Variants in ENSA observed in about 807,000 individuals in gnomAD.
The protein encoded by ENSA is alpha-endosulfine.
A neutral mutation model predicts 16.8 loss-of-function variants in ENSA; 7 were observed. That is an observed-to-expected ratio of 0.42 (90% CI 0.24 to 0.78). The LOEUF is 0.78. Among genes scored for constraint, ENSA ranks in the 30% least tolerant of loss-of-function variants. ENSA has a pLI of 0.29. For synonymous variants in ENSA, 58 were observed against 53.4 expected, an observed-to-expected ratio of 1.09 and a Z score of -0.37; for missense variants, 87 against 142.3, an observed-to-expected ratio of 0.61 and a Z score of 1.98.
Position 150,629,610 on chromosome 1 carries a change from C to A in ENSA, c.-140G>T, listed in dbSNP as rs974142257. 4 of 1,019,746 alleles carry A rather than the reference C, an allele frequency of 3.9e-6. No homozygotes were observed. Among genetic ancestry groups the A allele is most frequent in the Non-Finnish European group, 4.3e-6 (3 of 699,584 alleles). 63.2% of individuals were successfully genotyped at this position (1,019,746 alleles called of 1,614,324 possible). A position where few individuals can be genotyped will look rare whatever the true frequency, so the allele number is the denominator to read the frequency against. On this transcript the variant is annotated 5_prime_UTR_variant, in exon 1 of 4. Coordinates refer to ENST00000369014, the MANE Select transcript of ENSA (RefSeq NM_004436.4). ...CTCAGTCAAAATGGCGGCCCTTGCC[C>A]GTGACGTTGCGACCGCCCCTTCCTA...
At chr1:150,629,231 C>A in intron 1 of ENSA, 183 bp downstream of exon 1, 1 of 1,542,894 alleles carries the variant, frequency 6.5e-7, no homozygotes, top group Non-Finnish European at 8.9e-7. Context: ...TACTGAGTGA[C>A]AAACGACCCA....
At position 150,625,674 on chromosome 1, in the gene ENSA, T is replaced by C. The variant is rs766591643; in HGVS notation, c.318A>G (p.Arg106=). 10 of 1,609,188 alleles carry C rather than the reference T, an allele frequency of 6.2e-6. No individual in the cohort carries two copies. The highest frequency in any genetic ancestry group is 5.4e-5 in the African/African-American group (4 of 74,714). The part of the protein sequence containing the change: ...HIPTPQDLPQ[R]KSSLVTSKLA... The stretch of plus-strand genomic sequence containing the variant: ...GCTTGCTGGTGACGAGCGAGGACTT[T>C]CTCTGGGGCAGATCCTGTGGGGTGG... Residue 106 remains arginine, a synonymous_variant, in exon 3 of 4, where the codon AGA becomes AGG. Transcript: ENST00000369014.
intron 1 of ENSA, among the ~76,000 whole-genome samples, chr1:150,628,657 T>C (rs1172047570): frequency 6.6e-6 from 1 of 152,204 alleles, no homozygotes; most frequent in Non-Finnish European, 1.5e-5. Context: ...AACCCAGTAC[T>C]AAATTTTAAA....
At chr1:150,624,733 G>A (rs1649182858) in intron 3 of ENSA, 11 of 985,272 alleles carry the variant, frequency 1.1e-5, no homozygotes, top group African/African-American at 3.5e-5. Context: ...CACCACCCAC[G>A]AGCCTTCCTC....
chr1:150,626,779 C>T (rs1398554078), intron 2 of ENSA, among the ~76,000 whole-genome samples: 5 of 152,132 alleles, frequency 3.3e-5, no homozygotes, highest in African/African-American at 4.8e-5. Context: ...CTCCTGACCT[C>T]GTGCTCCGCC....
At chr1:150,624,672 C>T in intron 3 of ENSA, 1 of 985,508 alleles carries the variant, frequency 1.0e-6, no homozygotes, top group East Asian at 1.1e-4. Context: ...TCATGTATCC[C>T]TCAAATGGTT....
At chr1:150,629,327 A>G (rs1571018954) in intron 1 of ENSA, 87 bp downstream of exon 1, 1 of 1,558,286 alleles carries the variant, frequency 6.4e-7, no homozygotes, top group East Asian at 2.3e-5. Context: ...GCCTGAGACC[A>G]TGGCGACCAA....
At chr1:150,627,861 A>G (rs183852691) in intron 1 of ENSA, among the ~76,000 whole-genome samples, 6 of 152,336 alleles carry the variant, frequency 3.9e-5, no homozygotes, top group African/African-American at 1.4e-4. Context: ...TACTAAACAC[A>G]ATACTTTAAT....
chr1:150,628,807 A>G (rs1649531501), intron 1 of ENSA, among the ~76,000 whole-genome samples: 1 of 152,082 alleles, frequency 6.6e-6, no homozygotes, highest in African/African-American at 2.4e-5. Context: ...CGTCTTTTCC[A>G]AGTTTAATTA....
At chr1:150,626,558 T>TA (rs777406819) in intron 2 of ENSA, 6 of 1,601,130 alleles carry the variant, frequency 3.7e-6, no homozygotes, top group Non-Finnish European at 3.4e-6. Flanking sequence ...GTAAGGAAAA[T>TA]AAAAAAATTT....
intron 1 of ENSA, 193 bp downstream of exon 1, chr1:150,629,221 T>A (rs1649568797): frequency 6.4e-7 from 1 of 1,561,936 alleles, no homozygotes; most frequent in Non-Finnish European, 8.8e-7. Flanking sequence ...AAGAGTACAG[T>A]ACTGAGTGAC....
chr1:150,622,929 C>T (rs902441258), intron 3 of ENSA, 70 bp from the exon 4 acceptor site: 46 of 1,514,892 alleles, frequency 3.0e-5, no homozygotes, highest in Non-Finnish European at 3.9e-5. Context: ...AAACCCTGAA[C>T]TCCAACCCAG....
intron 3 of ENSA, chr1:150,625,400 C>T (rs1649229597): frequency 8.3e-7 from 1 of 1,210,232 alleles, no homozygotes; most frequent in Non-Finnish European, 1.0e-6. Flanking sequence ...CCAATCCTAG[C>T]CTTTCCTATT....
intron 1 of ENSA, among the ~76,000 whole-genome samples, chr1:150,628,500 T>C (rs74348525): frequency 1.6e-4 from 24 of 146,360 alleles, no homozygotes; most frequent in Non-Finnish European, 2.9e-4. Context: ...GTCAATCTCT[T>C]TTTTTTTTTT....
In ENSA at chr1:150,622,156, TTTTG is replaced by T. The variant is rs1329399589; in HGVS notation, c.*684_*687del. The T allele has an allele frequency of 6.6e-6, 1 of 152,226 alleles. No individual in the cohort carries two copies. Among genetic ancestry groups the T allele is most frequent in the African/African-American group, 2.4e-5 (1 of 41,462 alleles). 9.4% of individuals were successfully genotyped at this position (152,226 alleles called of 1,614,324 possible). On this transcript the variant is annotated 3_prime_UTR_variant, in exon 4 of 4. Coordinates refer to ENST00000369014, the MANE Select transcript of ENSA (RefSeq NM_004436.4). Reference sequence around the variant, plus strand: ...GGTTGGGTTTTTTCATGGGTTTTTGTTTTGTTTATTTCGAATACTGAAAAAGTCC... The same window carrying T: ...GGTTGGGTTTTTTCATGGGTTTTTGTTTTATTTCGAATACTGAAAAAGTCC...
At position 150,622,464 on chromosome 1, in the gene ENSA, C is replaced by T; in HGVS notation, c.*380G>A. 4.1e-6 allele frequency: 1 copy of T among 243,558 alleles called. No homozygotes were observed. The highest frequency in any genetic ancestry group is 7.8e-6 in the Non-Finnish European group (1 of 128,222). 15.1% of individuals were successfully genotyped at this position (243,558 alleles called of 1,614,324 possible). A position where few individuals can be genotyped will look rare whatever the true frequency, so the allele number is the denominator to read the frequency against. On this transcript the variant is annotated 3_prime_UTR_variant, in exon 4 of 4. Transcript: ENST00000369014. ...TTAGGCTACTCCACTTCCTTCCCCT[C>T]ATACCTACCCCACATCAGCCACGTG...
intron 2 of ENSA, among the ~76,000 whole-genome samples, chr1:150,626,162 A>G (rs1247323330): frequency 6.6e-6 from 1 of 152,230 alleles, no homozygotes; most frequent in Non-Finnish European, 1.5e-5. Context: ...ACAGGGCAAT[A>G]GCCTGGAACT....
chr1:150,622,782 A>C lies in ENSA; in HGVS notation c.*62T>G. ...AAAGCAGGAAGGGGCAGGAGCCAGC[A>C]CAGGACCCGGGTGGGGCAGGGAGGG... On this transcript the variant is annotated 3_prime_UTR_variant, in exon 4 of 4. Coordinates refer to ENST00000369014, the MANE Select transcript of ENSA (RefSeq NM_004436.4). 1 of 1,542,348 alleles carries C rather than the reference A, an allele frequency of 6.5e-7. No individual in the cohort carries two copies. Among genetic ancestry groups the C allele is most frequent in the Non-Finnish European group, 8.8e-7 (1 of 1,142,558 alleles).
chr1:150,629,199 T>C, intron 1 of ENSA: 1 of 1,602,438 alleles, frequency 6.2e-7, no homozygotes, highest in Non-Finnish European at 8.5e-7. Flanking sequence ...GTAGGCCTAT[T>C]GGCCAATCAG....
Sources: allele counts gnomAD v4.1 joint callset (sites outside exome capture counted in the v4.1 genomes callset), GRCh38; gene constraint gnomAD v4.1.1; transcripts MANE v1.5; gene names NCBI Gene and HGNC (gene_info 2026-07-23, HGNC 2026-07-21).